Variants in AKAP13 observed in about 807,000 individuals in gnomAD.
AKAP13 encodes the protein A-kinase anchor protein 13.
In AKAP13, 80 loss-of-function variants were observed where a neutral mutation model predicts 264.5. That is an observed-to-expected ratio of 0.30 (90% CI 0.25 to 0.36). The LOEUF (loss-of-function observed/expected upper bound fraction) is 0.36. AKAP13 is among the 10% of genes least tolerant of loss of function. The pLI is 1.00. For synonymous variants in AKAP13, 1,380 were observed against 1,250.2 expected (o/e 1.10, Z -2.19); for missense variants, 3,712 against 3,435.2 (o/e 1.08, Z -2.01).
chr15:85,517,301 G>A (rs556971610), intron 2 of AKAP13, among the ~76,000 whole-genome samples: 18 of 151,564 alleles, frequency 1.2e-4, no homozygotes, highest in African/African-American at 3.6e-4. Context: ...TCCCTGCACT[G>A]TAATTTGACT....
intron 1 of AKAP13, among the ~76,000 whole-genome samples, chr15:85,405,864 T>C (rs1394829314): frequency 6.6e-6 from 1 of 152,130 alleles, no homozygotes; most frequent in Non-Finnish European, 1.5e-5. Context: ...CTCTTTTTTT[T>C]GAGACAGAGT....
chr15:85,658,219 T>G (rs1219011674), intron 11 of AKAP13, among the ~76,000 whole-genome samples: 7 of 152,192 alleles, frequency 4.6e-5, no homozygotes, highest in Admixed American at 4.6e-4. Context: ...AACCTGAATT[T>G]TAAAGTGTTA....
intron 17 of AKAP13, among the ~76,000 whole-genome samples, chr15:85,695,816 A>G (rs1248524583): frequency 6.6e-6 from 1 of 152,238 alleles, no homozygotes; most frequent in Admixed American, 6.5e-5. Flanking sequence ...CTAGGAAACA[A>G]GAGACTGTCA....
At chr15:85,449,036 A>C (rs1472704923) in intron 1 of AKAP13, among the ~76,000 whole-genome samples, 1 of 152,080 alleles carries the variant, frequency 6.6e-6, no homozygotes. Context: ...ATCCATGAGC[A>C]TGGATGTTTT....
chr15:85,477,760 T>G (rs1298588448), intron 1 of AKAP13, among the ~76,000 whole-genome samples: 4 of 152,118 alleles, frequency 2.6e-5, no homozygotes, highest in Non-Finnish European at 5.9e-5. Flanking sequence ...TGGCTGAGAT[T>G]TCTTTAGTAT....
rs114780534 is a variant in AKAP13 at position 85,599,411 on chromosome 15, G to A, written c.4161+13588G>A. Among the ~76,000 whole-genome samples, 148 of 152,254 alleles carry A rather than the reference G, an allele frequency of 9.7e-4. 2 individuals carry two copies. The highest frequency in any genetic ancestry group is 2.8e-3 in the African/African-American group (115 of 41,548). ...AATTTGTCATTGGCACATCCCACCCGTCATAGCCCCACAGGTTTCTTTGTA... is the reference window on the plus strand; with the variant it reads ...AATTTGTCATTGGCACATCCCACCCATCATAGCCCCACAGGTTTCTTTGTA... On this transcript the variant is annotated intron_variant, in intron 8 of 36. Coordinates refer to ENST00000394518, the MANE Select transcript of AKAP13 (RefSeq NM_007200.5).
chr15:85,607,322 C>A (rs2080396060), intron 8 of AKAP13, among the ~76,000 whole-genome samples: 1 of 152,030 alleles, frequency 6.6e-6, no homozygotes, highest in South Asian at 2.1e-4. Flanking sequence ...GTGTTTTGTT[C>A]TTTCCATTCT....
chr15:85,663,690 C>A (rs185233142), intron 12 of AKAP13, among the ~76,000 whole-genome samples: 1 of 152,166 alleles, frequency 6.6e-6, no homozygotes. Flanking sequence ...AAAGAAGTTT[C>A]CGCTGCAGTT....
At chr15:85,518,395 G>A (rs2076686341) in intron 2 of AKAP13, among the ~76,000 whole-genome samples, 1 of 152,186 alleles carries the variant, frequency 6.6e-6, no homozygotes, top group South Asian at 2.1e-4. Context: ...AGGAAAACAG[G>A]TAATTTTAAT....
rs1470801945 is a variant in AKAP13 at position 85,581,156 on chromosome 15, C to A, written c.3088C>A (p.Gln1030Lys). The part of the protein sequence containing the change: ...PGASLATESR[Q>K]EALGAEHNSS... ...AGCAAGTCTGGCCACAGAGTCAAGG[C>A]AGGAAGCCTTGGGGGCAGAGCACAA... The change falls in exon 7 of 37, where the codon CAG becomes AAG. Residue 1030 changes from glutamine (Q) to lysine (K), a missense_variant. Gln to Lys is a moderately conservative substitution (Grantham distance 53, BLOSUM62 1). Coordinates refer to ENST00000394518, the MANE Select transcript of AKAP13 (RefSeq NM_007200.5). 3 of 1,614,124 alleles carry A rather than the reference C, an allele frequency of 1.9e-6. No individual in the cohort carries two copies. The East Asian group carries it at 6.7e-5, about 36-fold the overall frequency.
chr15:85,415,871 G>A (rs1267013626), intron 1 of AKAP13, among the ~76,000 whole-genome samples: 1 of 152,140 alleles, frequency 6.6e-6, no homozygotes, highest in Non-Finnish European at 1.5e-5. Flanking sequence ...GTATATTGAT[G>A]ATTATCTTTT....
chr15:85,677,111 C>A, intron 14 of AKAP13: 1 of 985,444 alleles, frequency 1.0e-6, no homozygotes, highest in Non-Finnish European at 1.2e-6. Flanking sequence ...AAGTAAGCAA[C>A]TTTGGTGTCC....
chr15:85,659,433 T>C (rs1397182531), intron 12 of AKAP13, among the ~76,000 whole-genome samples: 1 of 152,238 alleles, frequency 6.6e-6, no homozygotes, highest in Non-Finnish European at 1.5e-5. Context: ...CTTTGTCTTT[T>C]TCAAGTGGAT....
At chr15:85,645,522 A>C (rs2082514825) in intron 9 of AKAP13, among the ~76,000 whole-genome samples, 1 of 152,234 alleles carries the variant, frequency 6.6e-6, no homozygotes, top group Non-Finnish European at 1.5e-5. Context: ...TAGAAGTAGA[A>C]TATGCTTCTA....
At chr15:85,507,279 T>G (rs1407147179) in intron 2 of AKAP13, among the ~76,000 whole-genome samples, 1 of 152,058 alleles carries the variant, frequency 6.6e-6, no homozygotes, top group African/African-American at 2.4e-5. Flanking sequence ...AGCTACAGCC[T>G]GTGAACCAAA....
chr15:85,466,023 TG>T (rs1250276649), intron 1 of AKAP13, among the ~76,000 whole-genome samples: 3 of 152,168 alleles, frequency 2.0e-5, no homozygotes, highest in Non-Finnish European at 4.4e-5. Flanking sequence ...TGTTGTTTCC[TG>T]ACTTTTTAAT....
chr15:85,692,868 C>T (rs535718470), intron 16 of AKAP13, among the ~76,000 whole-genome samples: 3 of 152,168 alleles, frequency 2.0e-5, no homozygotes, highest in Non-Finnish European at 2.9e-5. Context: ...CCCAGAATTG[C>T]TGCCACCCTT....
intron 12 of AKAP13, among the ~76,000 whole-genome samples, chr15:85,662,923 T>C (rs1039206914): frequency 6.6e-6 from 1 of 152,240 alleles, no homozygotes; most frequent in Non-Finnish European, 1.5e-5. Context: ...ATTTTCAGAA[T>C]TAAGTTTTGC....
intron 33 of AKAP13, among the ~76,000 whole-genome samples, chr15:85,737,688 G>C (rs1273310393): frequency 1.3e-5 from 2 of 152,088 alleles, no homozygotes; most frequent in South Asian, 2.1e-4. Flanking sequence ...CTTGCTCTCT[G>C]GATCTGCTGC....
Sources: allele counts gnomAD v4.1 joint callset (sites outside exome capture counted in the v4.1 genomes callset), GRCh38; gene constraint gnomAD v4.1.1; transcripts MANE v1.5; gene names NCBI Gene and HGNC (gene_info 2026-07-23, HGNC 2026-07-21).